Variants in CSMD3 observed in about 807,000 individuals in gnomAD.
The protein encoded by CSMD3 is CUB and sushi domain-containing protein 3.
Under a neutral mutation model 435.2 loss-of-function variants are expected in CSMD3, and 177 were observed. That is an observed-to-expected ratio of 0.41 (90% CI 0.36 to 0.46). The LOEUF is 0.46. CSMD3 is among the 20% of genes least tolerant of loss of function. CSMD3 has a pLI of 0.34. For missense variants in CSMD3, 4,265 were observed against 4,504.6 expected, an observed-to-expected ratio of 0.95 and a Z score of 1.52; for synonymous variants, 1,656 against 1,520.5, an observed-to-expected ratio of 1.09 and a Z score of -2.07.
At chr8:113,158,182 C>CA (rs59666468) in intron 4 of CSMD3, among the ~76,000 whole-genome samples, 6,825 of 122,618 alleles carry the variant, frequency 0.056, 191 homozygotes, top group African/African-American at 0.088. Flanking sequence ...AGTTCCAGAC[C>CA]AAAAAAAAAA....
chr8:112,248,946 C>T (rs1022354052), intron 63 of CSMD3, among the ~76,000 whole-genome samples: 7 of 152,088 alleles, frequency 4.6e-5, no homozygotes, highest in African/African-American at 1.4e-4. Context: ...GCATTTTATT[C>T]CTTAAAACCA....
At chr8:112,730,640 CTCAACTTGCTCACGGTAT>C in intron 13 of CSMD3, among the ~76,000 whole-genome samples, 1 of 152,212 alleles carries the variant, frequency 6.6e-6, no homozygotes, top group Non-Finnish European at 1.5e-5. Flanking sequence ...ACCCCGTTTT[CTCAACTTGCTCACGGTAT>C]TCAACCAAAG....
chr8:113,019,305 C>G (rs1020365611), intron 5 of CSMD3, 126 bp from the exon 6 acceptor site: 7 of 701,082 alleles, frequency 1.0e-5, no homozygotes, highest in African/African-American at 1.8e-5. Context: ...TTTTTAAGCA[C>G]AAATGAAATA....
chr8:112,807,094 CTG>C (rs370747956), intron 12 of CSMD3, among the ~76,000 whole-genome samples: 415 of 152,276 alleles, frequency 2.7e-3, no homozygotes, highest in African/African-American at 9.5e-3. Flanking sequence ...ACAGAACAGT[CTG>C]TGTACCTTAC....
At chr8:113,019,032 A>G (rs1455971887) in intron 6 of CSMD3, 35 bp downstream of exon 6, 1 of 1,284,362 alleles carries the variant, frequency 7.8e-7, no homozygotes, top group African/African-American at 1.5e-5. Context: ...ATTATTTTAC[A>G]TATCAAAAGA....
intron 7 of CSMD3, among the ~76,000 whole-genome samples, chr8:112,974,795 T>C (rs2084785507): frequency 6.6e-6 from 1 of 151,876 alleles, no homozygotes; most frequent in Admixed American, 6.6e-5. Context: ...TATGTAAAGA[T>C]GTCTTGATTT....
At chr8:112,247,199 T>G (rs1321506347) in intron 63 of CSMD3, 68 bp from the exon 64 acceptor site, 2 of 931,904 alleles carry the variant, frequency 2.1e-6, no homozygotes, top group East Asian at 2.4e-5. Context: ...AAACAGAGCT[T>G]GAGTGAGAAA....
chr8:113,135,809 T>C (rs2091403420), intron 4 of CSMD3, among the ~76,000 whole-genome samples: 2 of 151,830 alleles, frequency 1.3e-5, no homozygotes, highest in African/African-American at 4.8e-5. Context: ...CAGGTCACTA[T>C]TGGACTGACC....
chr8:112,674,617 C>T (rs911364678), intron 16 of CSMD3, among the ~76,000 whole-genome samples: 1 of 152,158 alleles, frequency 6.6e-6, no homozygotes, highest in Admixed American at 6.6e-5. Context: ...AGGAAACTTA[C>T]ATCACTGACT....
At position 112,914,083 on chromosome 8, in the gene CSMD3, A is replaced by G. The variant is rs73702256; in HGVS notation, c.1633+7544T>C. On this transcript the variant is annotated intron_variant, in intron 10 of 70. Transcript: ENST00000297405. ...TTAAATAAACAAAAGAATGATTTCC[A>G]AAATAAGGGAATAATATATAATAAT... Among the ~76,000 whole-genome samples the G allele has an allele frequency of 7.4e-3, 1,121 of 152,100 alleles. 19 individuals carry two copies. Among genetic ancestry groups the G allele is most frequent in the African/African-American group, 0.026 (1,069 of 41,526 alleles).
Position 112,595,533 on chromosome 8 carries a change from C to T in CSMD3, c.3716-8298G>A, listed in dbSNP as rs1275025592. Among the ~76,000 whole-genome samples, 2 of 76,000 alleles carry T rather than the reference C, an allele frequency of 2.6e-5. 1 individual carries two copies. The highest frequency in any genetic ancestry group is 5.0e-5 in the Non-Finnish European group (2 of 39,716). The allele number at this position is 76,000 out of a possible 152,430, so 49.9% of individuals were successfully genotyped here. A position where few individuals can be genotyped will look rare whatever the true frequency, so the allele number is the denominator to read the frequency against. On this transcript the variant is annotated intron_variant, in intron 22 of 70. Transcript: ENST00000297405. ...CAGAGAACGCCATAAAGATACTCCT[C>T]GAGAAGAGCAACTCCAAGACACATA... is the stretch of plus-strand genomic sequence containing the variant.
chr8:113,111,549 T>C (rs2090640422), intron 4 of CSMD3, among the ~76,000 whole-genome samples: 1 of 152,188 alleles, frequency 6.6e-6, no homozygotes, highest in Non-Finnish European at 1.5e-5. Context: ...GTTTTGCTTG[T>C]ATTTATTTAC....
chr8:113,201,649 T>G (rs1438882442), intron 3 of CSMD3, among the ~76,000 whole-genome samples: 1 of 152,030 alleles, frequency 6.6e-6, no homozygotes, highest in Non-Finnish European at 1.5e-5. Context: ...AGCCCTGCTT[T>G]TCAACTTTGG....
intron 4 of CSMD3, among the ~76,000 whole-genome samples, chr8:113,101,468 T>A (rs1357414288): frequency 6.6e-6 from 1 of 152,060 alleles, no homozygotes; most frequent in Non-Finnish European, 1.5e-5. Flanking sequence ...ATTTTAATAA[T>A]AATAATATAT....
At chr8:113,394,128 G>T (rs1199338422) in intron 1 of CSMD3, among the ~76,000 whole-genome samples, 1 of 148,756 alleles carries the variant, frequency 6.7e-6, no homozygotes, top group African/African-American at 2.5e-5. Context: ...TTATAACTGG[G>T]TACTAAAAAA....
intron 23 of CSMD3, among the ~76,000 whole-genome samples, 193 bp from the exon 24 acceptor site, chr8:112,573,850 AAATTCCAAGCTTAGTGTACTTTAAGT>A (rs1183334829): frequency 2.0e-4 from 30 of 152,060 alleles, no homozygotes; most frequent in Admixed American, 1.2e-3. Context: ...TATAATTTTA[AAATTCCAAGCTTAGTGTACTTTAAGT>A]AATACTTGAA....
At chr8:112,419,419 A>C (rs959694566) in intron 32 of CSMD3, among the ~76,000 whole-genome samples, 2 of 152,210 alleles carry the variant, frequency 1.3e-5, no homozygotes, top group African/African-American at 4.8e-5. Context: ...GTAATTAGGA[A>C]ATACAATATG....
chr8:112,245,749 G>T (rs572120399), intron 64 of CSMD3, among the ~76,000 whole-genome samples: 5 of 152,218 alleles, frequency 3.3e-5, no homozygotes, highest in African/African-American at 1.2e-4. Context: ...TGGTGACCAG[G>T]CTGGTCTCGA....
intron 58 of CSMD3, among the ~76,000 whole-genome samples, 185 bp downstream of exon 58, chr8:112,286,878 TA>T (rs561622498): frequency 6.6e-6 from 1 of 152,096 alleles, no homozygotes; most frequent in Non-Finnish European, 1.5e-5. Flanking sequence ...GAGGGTTTTT[TA>T]AAAAAATTAT....
Sources: allele counts gnomAD v4.1 joint callset (sites outside exome capture counted in the v4.1 genomes callset), GRCh38; gene constraint gnomAD v4.1.1; transcripts MANE v1.5; gene names NCBI Gene and HGNC (gene_info 2026-07-23, HGNC 2026-07-21).